Variants in TRMT2B observed in about 807,000 individuals in gnomAD.
TRMT2B encodes tRNA methyltransferase 2B.
A neutral mutation model predicts 39.7 loss-of-function variants in TRMT2B; 34 were observed. The ratio of observed to expected loss-of-function variants is 0.86; its 90% CI spans 0.65 to 1.14. The LOEUF is 1.14. Among genes scored for constraint, TRMT2B ranks in the 50% most tolerant of loss-of-function variants. The pLI, the probability that TRMT2B is intolerant of heterozygous loss-of-function variation, is 0.00. For synonymous variants in TRMT2B, 132 were observed against 137.3 expected (o/e 0.96, Z 0.27); for missense variants, 318 against 377.2 (o/e 0.84, Z 1.30).
At chrX:101,004,791 G>A (rs747499750), downstream of TRMT2B, among the ~76,000 whole-genome samples, 5 of 111,505 alleles carry the variant, frequency 4.5e-5, no homozygotes, top group Non-Finnish European at 9.4e-5. Flanking sequence ...GTGGGCAACC[G>A]TGCCCGGCCA....
intron 7 of TRMT2B, among the ~76,000 whole-genome samples, chrX:101,030,451 A>ATTT (rs1248355991): frequency 2.1e-5 from 1 of 46,566 alleles, no homozygotes; most frequent in African/African-American, 1.7e-4. Flanking sequence ...ATAGATCTGC[A>ATTT]TTCTTTTTTT....
the TRMT2B span, chrX:100,990,523 C>A: frequency 2.7e-6 from 3 of 1,102,786 alleles, no homozygotes; most frequent in Non-Finnish European, 3.6e-6. Flanking sequence ...ATATCACATC[C>A]CTGAGAACCC....
In TRMT2B at chrX:101,021,111, G is replaced by A; in HGVS notation, c.1056C>T (p.Cys352=). The change falls in exon 10 of 14, where the codon TGC becomes TGT. Residue 352 remains cysteine (C), a synonymous_variant. Transcript: ENST00000372936. ...VNSDTILLDI[C]CGTGVIGLSL... ...TGGGCTTCCACTTGCCAGTTCCACA[G>A]CAGATGTCAAGAAGGATGGTGTCAG... 1 of 1,210,372 alleles carries A rather than the reference G, an allele frequency of 8.3e-7. No homozygotes were observed. The highest frequency in any genetic ancestry group is 1.1e-6 in the Non-Finnish European group (1 of 894,903).
chrX:101,037,636 T>C (rs2087915968), intron 5 of TRMT2B: 1 of 236,537 alleles, frequency 4.2e-6, no homozygotes, highest in African/African-American at 2.9e-5. Flanking sequence ...GTTGATACAA[T>C]GGAGTCTCTA....
At position 101,050,673 on chromosome X, in the gene TRMT2B, G is replaced by A. The variant is rs187937462; in HGVS notation, c.-24+578C>T. Among the ~76,000 whole-genome samples the A allele has an allele frequency of 2.3e-3, 255 of 109,877 alleles. 4 individuals carry two copies. The highest frequency in any genetic ancestry group is 7.6e-3 in the African/African-American group (228 of 30,165). On this transcript the variant is annotated intron_variant, in intron 2 of 13. Transcript: ENST00000372936. The stretch of plus-strand genomic sequence containing the variant: ...TGGGAGGCAGAGGTTGCGGTGAGGC[G>A]AGATCACACCATTGCACTCCAGCCT...
chrX:101,022,789 A>G (rs1183909937), intron 8 of TRMT2B, among the ~76,000 whole-genome samples: 1 of 111,085 alleles, frequency 9.0e-6, no homozygotes, highest in Non-Finnish European at 1.9e-5. Flanking sequence ...AGAGTGAGAC[A>G]CTGTCTCAAA....
intron 2 of TRMT2B, among the ~76,000 whole-genome samples, chrX:101,050,772 G>A (rs1267551237): frequency 9.1e-6 from 1 of 109,537 alleles, no homozygotes. Context: ...GGCCAGGCTC[G>A]GTGGCTCTCG....
chrX:100,987,579 T>C, the TRMT2B span: 1 of 1,203,557 alleles, frequency 8.3e-7, no homozygotes, highest in Non-Finnish European at 1.1e-6. Flanking sequence ...CGCTATGAGA[T>C]TTGCTGATAA....
the TRMT2B span, chrX:100,988,356 C>G: frequency 8.3e-7 from 1 of 1,206,956 alleles, no homozygotes; most frequent in Non-Finnish European, 1.1e-6. Flanking sequence ...ACTTTCCCCC[C>G]CATCATCTTC....
the TRMT2B span, chrX:100,988,408 AAT>A: frequency 8.3e-7 from 1 of 1,204,854 alleles, no homozygotes; most frequent in South Asian, 1.8e-5. Context: ...GTCTAAAAAG[AAT>A]ATGTCAGTAA....
intron 7 of TRMT2B, among the ~76,000 whole-genome samples, chrX:101,034,237 G>C (rs1424051123): frequency 9.2e-6 from 1 of 108,171 alleles, no homozygotes; most frequent in African/African-American, 3.4e-5. Flanking sequence ...TGCCTCCCAG[G>C]TTCTAGCGAT....
At chrX:101,038,371 C>CAAAAAAAAAAAAAAAAAAAAAA (rs57481304) in intron 4 of TRMT2B, among the ~76,000 whole-genome samples, 1 of 35,207 alleles carries the variant, frequency 2.8e-5, no homozygotes, top group Non-Finnish European at 5.3e-5. Flanking sequence ...AACTCCGTCT[C>CAAAAAAAAAAAAAAAAAAAAAA]AAAAAAAAAA....
chrX:101,027,451 T>C (rs1358205721), intron 7 of TRMT2B, among the ~76,000 whole-genome samples: 2 of 107,584 alleles, frequency 1.9e-5, no homozygotes, highest in South Asian at 4.2e-4. Context: ...ACCATATTGG[T>C]CAGGCTGGTC....
At chrX:100,974,113 T>A in the TRMT2B span, 1 of 1,173,731 alleles carries the variant, frequency 8.5e-7, no homozygotes, top group Non-Finnish European at 1.1e-6. Flanking sequence ...CTCATTTTTC[T>A]TTTTCATTTC....
Position 101,019,086 on chromosome X carries a change from C to A in TRMT2B, c.1289-16G>T, listed in dbSNP as rs1347115548. On this transcript the variant is annotated splice_polypyrimidine_tract_variant and intron_variant, in intron 12 of 13. Transcript: ENST00000372936. ...ACCTTGTAATCTGAAGGAAGAAACA[C>A]CTTGCTATTAGTATAATTAACTACC... 1.8e-6 allele frequency: 2 copies of A among 1,139,359 alleles called. No homozygotes were observed. Among genetic ancestry groups the A allele is most frequent in the South Asian group, 1.8e-5 (1 of 55,274 alleles). 93.9% of individuals were successfully genotyped at this position (1,139,359 alleles called of 1,213,427 possible).
rs1464529154 is a variant in TRMT2B, at chrX:101,051,478, C to A, written c.-251G>T. The stretch of plus-strand genomic sequence containing the variant: ...ACTCCACTAGCCCTTCCATTCCCTT[C>A]TTCTTTAGGCAAGTTCTGCCCACTG... On this transcript the variant is annotated 5_prime_UTR_variant, in exon 2 of 14. Coordinates refer to ENST00000372936, the MANE Select transcript of TRMT2B (RefSeq NM_024917.6). 2 of 753,052 alleles carry A rather than the reference C, an allele frequency of 2.7e-6. No individual in the cohort carries two copies. Among genetic ancestry groups the A allele is most frequent in the African/African-American group, 4.6e-5 (2 of 43,350 alleles). The allele number at this position is 753,052 out of a possible 1,213,427, so 62.1% of individuals were successfully genotyped here. A position where few individuals can be genotyped will look rare whatever the true frequency, so the allele number is the denominator to read the frequency against.
the TRMT2B span, among the ~76,000 whole-genome samples, chrX:100,987,102 A>G: frequency 3.6e-5 from 4 of 112,006 alleles, no homozygotes; most frequent in Admixed American, 2.9e-4. Flanking sequence ...GGACACATGA[A>G]TATCCCCATT....
chrX:100,989,964 GT>G, the TRMT2B span, among the ~76,000 whole-genome samples: 1 of 112,575 alleles, frequency 8.9e-6, no homozygotes, highest in East Asian at 2.8e-4. Context: ...AAGAGGAAGT[GT>G]TTTTTTAGAT....
chrX:100,982,887 T>C, the TRMT2B span, among the ~76,000 whole-genome samples: 1 of 110,593 alleles, frequency 9.0e-6, no homozygotes, highest in South Asian at 3.9e-4. Flanking sequence ...TCTAGAGTAG[T>C]GGTACTCAAG....
Sources: allele counts gnomAD v4.1 joint callset (sites outside exome capture counted in the v4.1 genomes callset), GRCh38; gene constraint gnomAD v4.1.1; transcripts MANE v1.5; gene names NCBI Gene and HGNC (gene_info 2026-07-23, HGNC 2026-07-21).